Variants in PCDHGA3 observed in about 807,000 individuals in gnomAD.
PCDHGA3 encodes protocadherin gamma-A3.
PCDHGA3 carries 40 observed loss-of-function variants against 58.5 expected under a neutral mutation model. That is an observed-to-expected ratio of 0.68 (90% CI 0.53 to 0.89). The LOEUF is 0.89. Among genes scored for constraint, PCDHGA3 ranks in the 40% least tolerant of loss-of-function variants. The pLI is 0.00. For synonymous variants in PCDHGA3, 530 were observed against 525.7 expected, an observed-to-expected ratio of 1.01 and a Z score of -0.11; for missense variants, 1,223 against 1,195.9, an observed-to-expected ratio of 1.02 and a Z score of -0.33.
At chr5:141,365,584 T>C (rs778067515) in intron 1 of PCDHGA3, 1 of 1,613,724 alleles carries the variant, frequency 6.2e-7, no homozygotes. Context: ...CTTCAGATTA[T>C]AATATCACTT....
At chr5:141,472,778 G>T (rs1244170163) in intron 1 of PCDHGA3, among the ~76,000 whole-genome samples, 1 of 151,878 alleles carries the variant, frequency 6.6e-6, no homozygotes, top group Non-Finnish European at 1.5e-5. Flanking sequence ...CTGAGGTTGG[G>T]AGTTCAAGAT....
At chr5:141,474,332 G>A (rs1427828070) in intron 1 of PCDHGA3, among the ~76,000 whole-genome samples, 1 of 152,168 alleles carries the variant, frequency 6.6e-6, no homozygotes, top group Non-Finnish European at 1.5e-5. Flanking sequence ...TCACCCTGAT[G>A]TTTTGTTAAA....
At chr5:141,408,455 C>A in intron 1 of PCDHGA3, 1 of 1,614,050 alleles carries the variant, frequency 6.2e-7, no homozygotes, top group South Asian at 1.1e-5. Flanking sequence ...CGGGGACTTA[C>A]TTGTGAAGAA....
At chr5:141,385,423 A>G in intron 1 of PCDHGA3, 4 of 1,462,490 alleles carry the variant, frequency 2.7e-6, no homozygotes, top group Non-Finnish European at 3.6e-6. Context: ...GATTTAAAAA[A>G]CTTTATAGAG....
At position 141,489,632 on chromosome 5, in the gene PCDHGA3, C is replaced by T; in HGVS notation, c.2425-5175C>T. 6.2e-7 allele frequency: 1 copy of T among 1,614,138 alleles called. No homozygotes were observed. Among genetic ancestry groups the T allele is most frequent in the Non-Finnish European group, 8.5e-7 (1 of 1,180,010 alleles). Reference sequence around the variant, plus strand: ...ATCCTGGATCTCAATGACAACTCTCCTAGCTTTGCCACCCCTGAGCGAGAG... The same window carrying T: ...ATCCTGGATCTCAATGACAACTCTCTTAGCTTTGCCACCCCTGAGCGAGAG... On this transcript the variant is annotated intron_variant, in intron 1 of 3. Transcript: ENST00000253812. The surrounding 1 kb of genome is among the most constrained non-coding windows in gnomAD (Gnocchi z 4.5).
chr5:141,459,025 A>C (rs2098959135), intron 1 of PCDHGA3, among the ~76,000 whole-genome samples: 1 of 152,336 alleles, frequency 6.6e-6, no homozygotes, highest in Non-Finnish European at 1.5e-5. Flanking sequence ...GAGCCACCAC[A>C]TCCAGCCTTA....
At chr5:141,459,568 CAG>C (rs930633590) in intron 1 of PCDHGA3, among the ~76,000 whole-genome samples, 1 of 152,152 alleles carries the variant, frequency 6.6e-6, no homozygotes, top group Non-Finnish European at 1.5e-5. Context: ...TACCCCAAAA[CAG>C]AATTGTTTTG....
intron 1 of PCDHGA3, chr5:141,393,480 T>G (rs1026854698): frequency 5.0e-6 from 8 of 1,613,942 alleles, no homozygotes; most frequent in Non-Finnish European, 6.8e-6. Context: ...GCCGCCTCGC[T>G]CTAGCACAGT....
At chr5:141,357,004 G>A (rs1280920888) in intron 1 of PCDHGA3, 2 of 1,614,086 alleles carry the variant, frequency 1.2e-6, no homozygotes, top group African/African-American at 1.3e-5. Flanking sequence ...AGGTCAGAAT[G>A]CCTGGCTGTC....
chr5:141,403,121 C>A, intron 1 of PCDHGA3: 1 of 1,614,046 alleles, frequency 6.2e-7, no homozygotes, highest in Middle Eastern at 1.6e-4. Context: ...TCTGGAGCCC[C>A]GGGAGCTGGC....
At position 141,421,819 on chromosome 5, in the gene PCDHGA3, G is replaced by C. The variant is rs752366104; in HGVS notation, c.2425-72988G>C. The C allele has an allele frequency of 3.8e-5, 61 of 1,613,688 alleles. No homozygotes were observed. Among genetic ancestry groups the C allele is most frequent in the Non-Finnish European group, 4.9e-5 (58 of 1,179,892 alleles). ...GGCCAAGAATCCAGAGCTAGTACTG[G>C]AGGGAAGCCTGGACCGAGAGAAAGA... On this transcript the variant is annotated intron_variant, in intron 1 of 3. Coordinates refer to ENST00000253812, the MANE Select transcript of PCDHGA3 (RefSeq NM_018916.4).
rs1767458792 is a variant in PCDHGA3 at position 141,371,070 on chromosome 5, A to G, written c.2424+24613A>G. ...GGGCGAGCCCTCCAGAAGCTGTACCACCCAGATCAGGGTAATTGTCGCAGA... is the reference window on the plus strand; with the variant it reads ...GGGCGAGCCCTCCAGAAGCTGTACCGCCCAGATCAGGGTAATTGTCGCAGA... On this transcript the variant is annotated intron_variant, in intron 1 of 3. Coordinates refer to ENST00000253812, the MANE Select transcript of PCDHGA3 (RefSeq NM_018916.4). The G allele has an allele frequency of 3.7e-6, 6 of 1,613,796 alleles. No individual in the cohort carries two copies. The highest frequency in any genetic ancestry group is 5.1e-6 in the Non-Finnish European group (6 of 1,179,860).
intron 1 of PCDHGA3, among the ~76,000 whole-genome samples, chr5:141,450,639 A>T (rs1390959433): frequency 6.6e-6 from 1 of 151,390 alleles, no homozygotes; most frequent in Non-Finnish European, 1.5e-5. Flanking sequence ...GATGCCTGCC[A>T]CCATGCCTGG....
chr5:141,388,812 G>A, intron 1 of PCDHGA3: 3 of 1,613,934 alleles, frequency 1.9e-6, no homozygotes, highest in Non-Finnish European at 2.5e-6. Context: ...TTTTGAAGAA[G>A]TCAAAGAATA....
At chr5:141,355,681 G>T (rs933117526) in intron 1 of PCDHGA3, 1 of 1,613,908 alleles carries the variant, frequency 6.2e-7, no homozygotes, top group Non-Finnish European at 8.5e-7. Flanking sequence ...TTTTGATCCG[G>T]ATGTAGGTGT....
intron 1 of PCDHGA3, among the ~76,000 whole-genome samples, chr5:141,481,668 A>G (rs1051166504): frequency 6.6e-6 from 1 of 152,090 alleles, no homozygotes; most frequent in Admixed American, 6.6e-5. Flanking sequence ...TAATACAAAA[A>G]TCAGGCCGGG....
At chr5:141,453,178 A>G (rs939398654) in intron 1 of PCDHGA3, among the ~76,000 whole-genome samples, 1 of 152,128 alleles carries the variant, frequency 6.6e-6, no homozygotes, top group African/African-American at 2.4e-5. Flanking sequence ...CAGTGGTACA[A>G]TCACAGCTCA....
At chr5:141,467,906 A>T (rs917983299) in intron 1 of PCDHGA3, among the ~76,000 whole-genome samples, 5 of 152,002 alleles carry the variant, frequency 3.3e-5, no homozygotes, top group African/African-American at 9.7e-5. Flanking sequence ...AAATCCGCCC[A>T]CCTCAGCCTC....
intron 1 of PCDHGA3, chr5:141,417,759 C>T: frequency 7.0e-7 from 1 of 1,437,100 alleles, no homozygotes; most frequent in South Asian, 1.5e-5. Flanking sequence ...AGCTCCGAGA[C>T]CCGGGACTCC....
Sources: allele counts gnomAD v4.1 joint callset (sites outside exome capture counted in the v4.1 genomes callset), GRCh38; gene constraint gnomAD v4.1.1; non-coding constraint Gnocchi (gnomAD v3.1); transcripts MANE v1.5; gene names NCBI Gene and HGNC (gene_info 2026-07-23, HGNC 2026-07-21).